The following CADM2 variants were observed in gnomAD, a reference collection of about 807,000 sequenced individuals.
CADM2 encodes cell adhesion molecule 2.
Under a neutral mutation model 49.8 loss-of-function variants are expected in CADM2, and 12 were observed. That is an observed-to-expected ratio of 0.24 (90% confidence interval 0.15 to 0.39). CADM2 has a LOEUF of 0.39. Among genes scored for constraint, CADM2 ranks in the 10% least tolerant of loss-of-function variants. CADM2 has a pLI of 1.00. For missense variants in CADM2, 378 were observed against 492.3 expected, an observed-to-expected ratio of 0.77 and a Z score of 2.20; for synonymous variants, 214 against 175.4, an observed-to-expected ratio of 1.22 and a Z score of -1.74.
intron 1 of CADM2, among the ~76,000 whole-genome samples, chr3:85,493,001 A>T (rs1335326893): frequency 6.6e-6 from 1 of 152,172 alleles, no homozygotes; most frequent in East Asian, 1.9e-4. Flanking sequence ...AATGTCAGTG[A>T]GGAAAGAGAC....
intron 1 of CADM2, among the ~76,000 whole-genome samples, chr3:85,637,075 C>G (rs948238148): frequency 6.8e-6 from 1 of 146,088 alleles, no homozygotes; most frequent in Non-Finnish European, 1.5e-5. Flanking sequence ...TATTAACATT[C>G]TACTCTTTCC....
intron 1 of CADM2, among the ~76,000 whole-genome samples, chr3:85,406,914 G>A (rs371887755): frequency 9.2e-5 from 14 of 152,080 alleles, no homozygotes; most frequent in African/African-American, 3.1e-4. Context: ...GACAAAATAC[G>A]ACCAGGGTAC....
rs58178176 is a variant in CADM2, at chr3:85,990,013, C to CAAAAAAAA, written c.970+28390_970+28397dup. 8.6e-3 allele frequency among the ~76,000 whole-genome samples: 83 copies of CAAAAAAAA among 9,644 alleles called. 4 individuals are homozygous for CAAAAAAAA. The highest frequency in any genetic ancestry group is 0.014 in the African/African-American group (54 of 3,796). The allele number at this position is 9,644 out of a possible 152,430, so 6.3% of individuals were successfully genotyped here. A position where few individuals can be genotyped will look rare whatever the true frequency, so the allele number is the denominator to read the frequency against. ...GGCGACAAGAGAGAAACTCCATGTC[C>CAAAAAAAA]AAAAAAAAAAAAAAAAAAAAAAAAA... On this transcript the variant is annotated intron_variant, in intron 8 of 9. Coordinates refer to ENST00000383699, the MANE Select transcript of CADM2 (RefSeq NM_001167675.2).
chr3:85,152,743 G>A (rs1265314174), intron 1 of CADM2, among the ~76,000 whole-genome samples: 2 of 152,050 alleles, frequency 1.3e-5, no homozygotes, highest in Non-Finnish European at 2.9e-5. Context: ...GGATCATGAG[G>A]TCAGGAGATC....
chr3:85,876,314 A>G (rs1431686100), intron 3 of CADM2, among the ~76,000 whole-genome samples: 1 of 152,132 alleles, frequency 6.6e-6, no homozygotes, highest in Admixed American at 6.6e-5. Flanking sequence ...TAAAATATTC[A>G]CTTAATATGT....
At chr3:85,342,104 A>G (rs2029903019) in intron 1 of CADM2, among the ~76,000 whole-genome samples, 1 of 152,142 alleles carries the variant, frequency 6.6e-6, no homozygotes, top group South Asian at 2.1e-4. Context: ...AATTTTTGCA[A>G]TCTATCCATC....
At chr3:85,191,866 T>A (rs1051853004) in intron 1 of CADM2, among the ~76,000 whole-genome samples, 1 of 152,020 alleles carries the variant, frequency 6.6e-6, no homozygotes, top group Non-Finnish European at 1.5e-5. Context: ...CCTGTAGTTT[T>A]CAGAAGGCTT....
intron 8 of CADM2, among the ~76,000 whole-genome samples, chr3:86,011,428 A>G (rs754374630): frequency 3.3e-5 from 5 of 152,158 alleles, no homozygotes; most frequent in Non-Finnish European, 7.4e-5. Context: ...TGAAAATTGG[A>G]AAACTCCATT....
At chr3:85,267,721 C>T (rs936973158) in intron 1 of CADM2, among the ~76,000 whole-genome samples, 3 of 151,076 alleles carry the variant, frequency 2.0e-5, no homozygotes, top group African/African-American at 7.3e-5. Flanking sequence ...CTGAGGAGCT[C>T]GTAATTGGAC....
chr3:85,793,914 A>T (rs1384803556), intron 2 of CADM2, among the ~76,000 whole-genome samples: 1 of 152,196 alleles, frequency 6.6e-6, no homozygotes, highest in African/African-American at 2.4e-5. Flanking sequence ...TACTTTCAAA[A>T]TCACAGAACT....
rs112900882 is a variant in CADM2 at position 85,820,760 on chromosome 3, C to T, written c.238+18564C>T. Among the ~76,000 whole-genome samples, 636 of 152,166 alleles carry T rather than the reference C, an allele frequency of 4.2e-3. 1 individual carries two copies. Among genetic ancestry groups the T allele is most frequent in the Admixed American group, 9.2e-3 (141 of 15,272 alleles). The stretch of plus-strand genomic sequence containing the variant: ...ACAAGCAAGTTAAAGATCTTAAATA[C>T]AGAGTAGATATGTATTATCAGGCTT... On this transcript the variant is annotated intron_variant, in intron 3 of 9. Transcript: ENST00000383699.
At chr3:85,347,640 C>CAT (rs140172427) in intron 1 of CADM2, among the ~76,000 whole-genome samples, 11,916 of 56,934 alleles carry the variant, frequency 0.21, 612 homozygotes, top group East Asian at 0.36. Context: ...AATATATATA[C>CAT]ATATATATAT....
intron 5 of CADM2, among the ~76,000 whole-genome samples, chr3:85,903,958 C>T (rs1475108196): frequency 2.0e-5 from 3 of 152,042 alleles, no homozygotes; most frequent in African/African-American, 4.8e-5. Flanking sequence ...TAACCTGTGA[C>T]GACAGGAAGG....
intron 2 of CADM2, among the ~76,000 whole-genome samples, chr3:85,796,061 T>A (rs1265987930): frequency 1.3e-5 from 2 of 152,238 alleles, no homozygotes; most frequent in Non-Finnish European, 2.9e-5. Context: ...TTCGCAAGCA[T>A]CACTGCTCTT....
intron 1 of CADM2, among the ~76,000 whole-genome samples, chr3:85,101,379 C>G (rs1290238312): frequency 1.3e-5 from 2 of 152,088 alleles, no homozygotes; most frequent in Non-Finnish European, 1.5e-5. Context: ...TTTTGTAATA[C>G]CACATTGCCT....
intron 3 of CADM2, among the ~76,000 whole-genome samples, chr3:85,851,394 C>T (rs2075103382): frequency 6.6e-6 from 1 of 151,858 alleles, no homozygotes; most frequent in African/African-American, 2.4e-5. Context: ...ACTTTACAAA[C>T]AAGGGTGAAA....
At chr3:85,779,140 A>G (rs564061978) in intron 2 of CADM2, among the ~76,000 whole-genome samples, 2 of 152,062 alleles carry the variant, frequency 1.3e-5, no homozygotes, top group Non-Finnish European at 2.9e-5. Flanking sequence ...TAGGGCCATG[A>G]GTCTCTATGG....
intron 1 of CADM2, among the ~76,000 whole-genome samples, chr3:85,408,558 A>C (rs1284559543): frequency 6.6e-6 from 1 of 152,132 alleles, no homozygotes; most frequent in Non-Finnish European, 1.5e-5. Flanking sequence ...ATTTTTTGCC[A>C]CCCAATGAGT....
chr3:85,920,486 C>T (rs1718958870), intron 6 of CADM2, among the ~76,000 whole-genome samples: 1 of 151,676 alleles, frequency 6.6e-6, no homozygotes, highest in African/African-American at 2.4e-5. Context: ...GTGATCTATG[C>T]TGTTTAGTAA....
Sources: allele counts gnomAD v4.1 joint callset (sites outside exome capture counted in the v4.1 genomes callset), GRCh38; gene constraint gnomAD v4.1.1; transcripts MANE v1.5; gene names NCBI Gene and HGNC (gene_info 2026-07-23, HGNC 2026-07-21).